APBB1IP: variants seen among roughly 807,000 people sequenced by gnomAD.
APBB1IP encodes amyloid beta precursor protein binding family B member 1 interacting protein, also known as amyloid beta A4 precursor protein-binding family B member 1-interacting protein.
A neutral mutation model predicts 64.9 loss-of-function variants in APBB1IP; 27 were observed. The observed-to-expected ratio is 0.42, with a 90% CI of 0.31 to 0.57. APBB1IP has a LOEUF of 0.57. Ranked by LOEUF, APBB1IP falls within the 20% of genes least tolerant of loss-of-function variation. The probability of loss-of-function intolerance (pLI) is 0.20; values close to 1 mark genes in which losing one functional copy is unlikely to be tolerated. For missense variants in APBB1IP, 812 were observed against 845.5 expected (o/e 0.96, Z 0.49); for synonymous variants, 392 against 331.0 (o/e 1.18, Z -2.00).
intron 8 of APBB1IP, among the ~76,000 whole-genome samples, chr10:26,518,071 C>T (rs1836354532): frequency 6.6e-6 from 1 of 152,088 alleles, no homozygotes; most frequent in African/African-American, 2.4e-5. Flanking sequence ...TCTCCTGTCT[C>T]AGCCTCCTGC....
At chr10:26,442,914 C>T (rs1475266998) in intron 2 of APBB1IP, among the ~76,000 whole-genome samples, 1 of 152,146 alleles carries the variant, frequency 6.6e-6, no homozygotes, top group Non-Finnish European at 1.5e-5. Context: ...TCAAAGAACA[C>T]TGGCATGGCA....
intron 3 of APBB1IP, among the ~76,000 whole-genome samples, chr10:26,494,026 C>T (rs951285136): frequency 9.2e-5 from 14 of 151,960 alleles, no homozygotes; most frequent in African/African-American, 2.9e-4. Context: ...TTTATAGAGA[C>T]GAGATCTCAC....
Position 26,500,965 on chromosome 10 carries a change from A to G in APBB1IP, c.307A>G (p.Ile103Val), listed in dbSNP as rs148086849. 1.2e-5 allele frequency: 20 copies of G among 1,614,174 alleles called. No homozygotes were observed. The highest frequency in any genetic ancestry group is 2.2e-5 in the East Asian group (1 of 44,886). The change falls in exon 5 of 15, where the codon ATT becomes GTT. Residue 103 changes from isoleucine (I) to valine (V), a missense_variant. Physicochemically the swap from Ile to Val is conservative, Grantham distance 29 (BLOSUM62 3). This residue lies in a region of APBB1IP where 394 missense variants were observed against 413.1 expected (regional missense o/e 0.95). Coordinates refer to ENST00000376236, the MANE Select transcript of APBB1IP (RefSeq NM_019043.4). ...TCATTCAGCATCTCTACAAGCATCAATTTTCAGTGGTGCAGCCTCTCTTGG... is the reference window on the plus strand; with the variant it reads ...TCATTCAGCATCTCTACAAGCATCAGTTTTCAGTGGTGCAGCCTCTCTTGG... ...QHHSASLQAS[I>V]FSGAASLGYG...
chr10:26,471,895 A>G (rs1218465590), intron 2 of APBB1IP, among the ~76,000 whole-genome samples: 6 of 152,088 alleles, frequency 3.9e-5, no homozygotes, highest in Non-Finnish European at 1.5e-5. Context: ...ATGTTGGCCA[A>G]GATGGTCTCC....
chr10:26,493,155 T>C (rs1835978497), intron 3 of APBB1IP, among the ~76,000 whole-genome samples: 1 of 152,210 alleles, frequency 6.6e-6, no homozygotes, highest in South Asian at 2.1e-4. Flanking sequence ...CCTGCCCGGC[T>C]CCCAGGCAGT....
chr10:26,497,423 T>C (rs911863510), intron 4 of APBB1IP, among the ~76,000 whole-genome samples: 3 of 151,646 alleles, frequency 2.0e-5, no homozygotes, highest in Admixed American at 6.6e-5. Context: ...TGGTGGCAGG[T>C]GCCTGTAGTC....
At chr10:26,490,817 ATTTTT>A (rs1835945881) in intron 2 of APBB1IP, among the ~76,000 whole-genome samples, 1 of 152,204 alleles carries the variant, frequency 6.6e-6, no homozygotes, top group Non-Finnish European at 1.5e-5. Flanking sequence ...TTTTTTATAT[ATTTTT>A]AATTTCCATA....
At chr10:26,533,256 C>T (rs1836576757) in intron 8 of APBB1IP, among the ~76,000 whole-genome samples, 183 bp from the exon 9 acceptor site, 1 of 152,176 alleles carries the variant, frequency 6.6e-6, no homozygotes, top group African/African-American at 2.4e-5. Context: ...AGGTTTCACT[C>T]CTGCCTTGGC....
chr10:26,564,434 T>G (rs1213129079), intron 14 of APBB1IP, among the ~76,000 whole-genome samples: 2 of 152,246 alleles, frequency 1.3e-5, no homozygotes, highest in East Asian at 1.9e-4. Flanking sequence ...CATCACAACC[T>G]GAGACACGAG....
chr10:26,456,846 A>G (rs1434627350), intron 2 of APBB1IP, among the ~76,000 whole-genome samples: 1 of 152,030 alleles, frequency 6.6e-6, no homozygotes, highest in East Asian at 1.9e-4. Context: ...ATGAAAAGTA[A>G]GCTGGGGGCA....
intron 8 of APBB1IP, among the ~76,000 whole-genome samples, chr10:26,527,137 T>A (rs1035716259): frequency 3.9e-5 from 6 of 152,252 alleles, no homozygotes; most frequent in African/African-American, 1.4e-4. Flanking sequence ...ATCACCTTTA[T>A]GGTCCCCAGC....
At chr10:26,551,510 A>G (rs1375288980) in intron 11 of APBB1IP, among the ~76,000 whole-genome samples, 1 of 152,210 alleles carries the variant, frequency 6.6e-6, no homozygotes, top group Non-Finnish European at 1.5e-5. Flanking sequence ...GTGCGTGGAT[A>G]GAAGCCGTTC....
chr10:26,474,954 G>A (rs1286445117), intron 2 of APBB1IP, among the ~76,000 whole-genome samples: 2 of 152,194 alleles, frequency 1.3e-5, no homozygotes, highest in African/African-American at 4.8e-5. Flanking sequence ...TCTAGAGGCG[G>A]AAACGCCATC....
rs1401649151 is a variant in APBB1IP at position 26,536,231 on chromosome 10, A to C, written c.1044+14A>C. ...GGAAAGACTAAGGTCAGAAAAAAAA[A>C]AAAAAAAGCACTTAGCAATAAAGCA... On this transcript the variant is annotated intron_variant, in intron 10 of 14. Coordinates refer to ENST00000376236, the MANE Select transcript of APBB1IP (RefSeq NM_019043.4). 6.4e-7 allele frequency: 1 copy of C among 1,565,808 alleles called. No homozygotes were observed. The highest frequency in any genetic ancestry group is 1.4e-5 in the African/African-American group (1 of 71,962).
chr10:26,561,044 C>CT lies in APBB1IP; in HGVS notation c.1369+207dup, dbSNP rs1168169661. The stretch of plus-strand genomic sequence containing the variant: ...ATAACATCTGTTTTCTTTTTCTTTT[C>CT]TTTTTTTCTTTCTTTCTTTCTTTTT... On this transcript the variant is annotated intron_variant, in intron 13 of 14. Coordinates refer to ENST00000376236, the MANE Select transcript of APBB1IP (RefSeq NM_019043.4). Among the ~76,000 whole-genome samples, 25 of 134,340 alleles carry CT rather than the reference C, an allele frequency of 1.9e-4. No individual in the cohort carries two copies. The East Asian group carries it at 2.7e-3, about 14-fold the overall frequency. The allele number at this position is 134,340 out of a possible 152,430, so 88.1% of individuals were successfully genotyped here. A position where few individuals can be genotyped will look rare whatever the true frequency, so the allele number is the denominator to read the frequency against.
intron 11 of APBB1IP, among the ~76,000 whole-genome samples, chr10:26,551,307 G>A (rs938162835): frequency 5.9e-5 from 9 of 152,204 alleles, no homozygotes; most frequent in African/African-American, 2.2e-4. Context: ...GACCCAGTGT[G>A]GTAAGAAACC....
At chr10:26,555,175 C>A (rs141297507) in intron 11 of APBB1IP, among the ~76,000 whole-genome samples, 1 of 152,150 alleles carries the variant, frequency 6.6e-6, no homozygotes, top group African/African-American at 2.4e-5. Flanking sequence ...TCCCTCAGTT[C>A]GATCTTATTC....
chr10:26,482,800 A>C (rs1403374313), intron 2 of APBB1IP, among the ~76,000 whole-genome samples: 1 of 152,034 alleles, frequency 6.6e-6, no homozygotes, highest in African/African-American at 2.4e-5. Flanking sequence ...AACTCAAAAC[A>C]CTGTAGGGTA....
intron 8 of APBB1IP, among the ~76,000 whole-genome samples, chr10:26,529,286 G>A (rs976219176): frequency 6.6e-6 from 1 of 152,244 alleles, no homozygotes; most frequent in Non-Finnish European, 1.5e-5. Flanking sequence ...GCAGGTGGAA[G>A]TTCCGATCCG....
Sources: allele counts gnomAD v4.1 joint callset (sites outside exome capture counted in the v4.1 genomes callset), GRCh38; gene constraint gnomAD v4.1.1; regional missense constraint gnomAD v4.1.1; transcripts MANE v1.5; gene names NCBI Gene and HGNC (gene_info 2026-07-23, HGNC 2026-07-21).